The following ATP6V1A variants were observed in gnomAD, a reference collection of about 807,000 sequenced individuals.
The protein encoded by ATP6V1A is V-type proton ATPase catalytic subunit A.
ATP6V1A carries 18 observed loss-of-function variants against 70.1 expected under a neutral mutation model. The ratio of observed to expected loss-of-function variants is 0.26; its 90% CI spans 0.18 to 0.38. ATP6V1A has a LOEUF of 0.38. ATP6V1A is among the 10% of genes least tolerant of loss of function. ATP6V1A has a pLI of 1.00. For synonymous variants in ATP6V1A, 232 were observed against 253.8 expected (o/e 0.91, Z 0.82); for missense variants, 424 against 772.4 (o/e 0.55, Z 5.35).
intron 1 of ATP6V1A, among the ~76,000 whole-genome samples, chr3:113,761,672 A>G (rs35015114): frequency 2.7e-4 from 39 of 143,864 alleles, no homozygotes; most frequent in East Asian, 1.5e-3. Flanking sequence ...GGAGGCAGAG[A>G]TTGTGGTGAG....
chr3:113,760,560 C>G lies in ATP6V1A; in HGVS notation c.-14+13447C>G, dbSNP rs558499700. Among the ~76,000 whole-genome samples the G allele has an allele frequency of 5.3e-3, 753 of 141,720 alleles. 8 individuals carry two copies. Among genetic ancestry groups the G allele is most frequent in the African/African-American group, 0.019 (727 of 38,358 alleles). 93.0% of individuals were successfully genotyped at this position (141,720 alleles called of 152,430 possible). ...TGGCCAACATGGTGAAACCCTGTCT[C>G]TACTAAAAATACAAAAAATTAGCTG... On this transcript the variant is annotated intron_variant, in intron 1 of 14. Transcript: ENST00000273398.
At chr3:113,757,002 T>G (rs1708653314) in intron 1 of ATP6V1A, among the ~76,000 whole-genome samples, 1 of 152,178 alleles carries the variant, frequency 6.6e-6, no homozygotes, top group South Asian at 2.1e-4. Flanking sequence ...AATCCACAAA[T>G]TATTTTGAAT....
At chr3:113,808,091 T>C (rs1238358516) in intron 14 of ATP6V1A, among the ~76,000 whole-genome samples, 2 of 148,846 alleles carry the variant, frequency 1.3e-5, no homozygotes, top group Non-Finnish European at 3.0e-5. Flanking sequence ...GATCACACCA[T>C]TGCACTCCAG....
chr3:113,795,235 G>T, intron 10 of ATP6V1A, 31 bp downstream of exon 10: 1 of 1,592,558 alleles, frequency 6.3e-7, no homozygotes, highest in Non-Finnish European at 8.5e-7. Flanking sequence ...CTTTGCAAAA[G>T]GAAAAAAGTC....
chr3:113,785,812 G>T (rs1709032813), intron 5 of ATP6V1A, among the ~76,000 whole-genome samples: 1 of 149,964 alleles, frequency 6.7e-6, no homozygotes, highest in South Asian at 2.1e-4. Context: ...GGGATTACAG[G>T]CCTTTACTTA....
At chr3:113,748,923 A>AG (rs1354553838) in intron 1 of ATP6V1A, among the ~76,000 whole-genome samples, 1 of 151,996 alleles carries the variant, frequency 6.6e-6, no homozygotes, top group East Asian at 1.9e-4. Context: ...TCTAGAGGAG[A>AG]GGGGAAGAAA....
chr3:113,781,278 G>A lies in ATP6V1A; in HGVS notation c.211+100G>A, dbSNP rs929343193. 10 of 1,327,084 alleles carry A rather than the reference G, an allele frequency of 7.5e-6. No homozygotes were observed. In the African/African-American group the frequency reaches 1.4e-4, roughly 18 times the overall value. 82.2% of individuals were successfully genotyped at this position (1,327,084 alleles called of 1,614,324 possible). A position where few individuals can be genotyped will look rare whatever the true frequency, so the allele number is the denominator to read the frequency against. On this transcript the variant is annotated intron_variant, in intron 3 of 14. Transcript: ENST00000273398. Reference sequence around the variant, plus strand: ...CACACAAAGTAATCCCAGCACTTTGGGAGGCAGGCAGGTGGATCACCTGAG... The same window carrying A: ...CACACAAAGTAATCCCAGCACTTTGAGAGGCAGGCAGGTGGATCACCTGAG...
chr3:113,751,674 A>G (rs951716868), intron 1 of ATP6V1A, among the ~76,000 whole-genome samples: 2 of 151,106 alleles, frequency 1.3e-5, no homozygotes, highest in Non-Finnish European at 3.0e-5. Context: ...TATATTTAGT[A>G]TATACATATT....
At chr3:113,795,341 C>G in intron 10 of ATP6V1A, 137 bp downstream of exon 10, 3 of 891,388 alleles carry the variant, frequency 3.4e-6, no homozygotes, top group Non-Finnish European at 5.0e-6. Context: ...GGTTGCACTC[C>G]AGAGTCACCT....
rs532776889 is a variant in ATP6V1A at position 113,806,451 on chromosome 3, A to G, written c.1761+926A>G. Among the ~76,000 whole-genome samples the G allele has an allele frequency of 2.0e-5, 3 of 151,468 alleles. No individual in the cohort carries two copies. The South Asian group carries it at 6.3e-4, about 32-fold the overall frequency. ...ACTTCTTTTAAATATCATGTACTGC[A>G]GGTCATTTTTTAACTTTTTTTTTTT... On this transcript the variant is annotated intron_variant, in intron 14 of 14. Transcript: ENST00000273398.
chr3:113,781,510 T>C (rs1486934911), intron 3 of ATP6V1A, among the ~76,000 whole-genome samples: 1 of 151,462 alleles, frequency 6.6e-6, no homozygotes, highest in East Asian at 1.9e-4. Flanking sequence ...AGAGTGAGAC[T>C]CCATCTCAGA....
At position 113,792,165 on chromosome 3, in the gene ATP6V1A, T is replaced by C. The variant is rs927131814; in HGVS notation, c.988+2325T>C. On this transcript the variant is annotated intron_variant, in intron 8 of 14. Transcript: ENST00000273398. ...ATTTTAAGAAAGCTACCTTATTCTT[T>C]TAAATGGCTGCACAGTATCCCTTTG... 3.3e-5 allele frequency among the ~76,000 whole-genome samples: 5 copies of C among 152,330 alleles called. No individual in the cohort carries two copies. In the South Asian group the frequency reaches 8.3e-4, roughly 25 times the overall value.
chr3:113,800,746 C>CA lies in ATP6V1A; in HGVS notation c.1494+2308dup, dbSNP rs200289083. Among the ~76,000 whole-genome samples, 845 of 151,368 alleles carry CA rather than the reference C, an allele frequency of 5.6e-3. 17 individuals are homozygous for CA. Among genetic ancestry groups the CA allele is most frequent in the Admixed American group, 0.035 (526 of 15,224 alleles). On this transcript the variant is annotated intron_variant, in intron 12 of 14. Coordinates refer to ENST00000273398, the MANE Select transcript of ATP6V1A (RefSeq NM_001690.4). ...AAACCCCTTAACATTAGCCTTAAAA[C>CA]AAAAAAAAGAGTTTTTTGATTACAT...
intron 1 of ATP6V1A, among the ~76,000 whole-genome samples, chr3:113,750,323 A>G (rs992551186): frequency 2.0e-5 from 3 of 152,198 alleles, no homozygotes; most frequent in Non-Finnish European, 4.4e-5. Context: ...ACTTAAAAAA[A>G]TTAAAAAAAT....
At chr3:113,773,727 T>C (rs1207025392) in intron 1 of ATP6V1A, among the ~76,000 whole-genome samples, 1 of 152,176 alleles carries the variant, frequency 6.6e-6, no homozygotes, top group Non-Finnish European at 1.5e-5. Flanking sequence ...CTTTACTAGA[T>C]ACTCTGATGC....
At chr3:113,782,546 A>G (rs561620574) in intron 3 of ATP6V1A, among the ~76,000 whole-genome samples, 1 of 145,810 alleles carries the variant, frequency 6.9e-6, no homozygotes, top group Admixed American at 6.9e-5. Flanking sequence ...CTCTCTCTAT[A>G]TATATATATA....
rs1250786805 is a variant in ATP6V1A at position 113,798,191 on chromosome 3, T to A, written c.1291-52T>A. On this transcript the variant is annotated intron_variant, in intron 11 of 14. Transcript: ENST00000273398. ...CAAACATGCTTCGGTATTTTTTAAC[T>A]TTGTTTTTTGAGAAAAATTACTGTT... is the stretch of plus-strand genomic sequence containing the variant. 5 of 1,584,820 alleles carry A rather than the reference T, an allele frequency of 3.2e-6. No individual in the cohort carries two copies. In the Admixed American group the frequency reaches 8.4e-5, roughly 27 times the overall value.
chr3:113,773,327 ATTATC>A (rs1333959431), intron 1 of ATP6V1A, among the ~76,000 whole-genome samples: 2 of 152,176 alleles, frequency 1.3e-5, no homozygotes, highest in Non-Finnish European at 2.9e-5. Flanking sequence ...TCTAGTGACA[ATTATC>A]TTTAAGTAAA....
intron 8 of ATP6V1A, among the ~76,000 whole-genome samples, chr3:113,792,237 A>G (rs933515543): frequency 3.3e-5 from 5 of 152,154 alleles, no homozygotes; most frequent in South Asian, 4.1e-4. Flanking sequence ...TTGGTGGACT[A>G]TTGGATTCTT....
Sources: gnomAD v4.1 joint callset for allele counts (sites outside exome capture counted in the v4.1 genomes callset) on GRCh38, gnomAD v4.1.1 for gene constraint, MANE v1.5 for transcripts, NCBI Gene and HGNC (gene_info 2026-07-23, HGNC 2026-07-21) for gene names.